Variants in COL10A1 observed in about 807,000 individuals in gnomAD.
COL10A1 encodes the protein collagen alpha-1(X) chain.
Under a neutral mutation model 18.2 loss-of-function variants are expected in COL10A1, and 10 were observed. That is an observed-to-expected ratio of 0.55 (90% confidence interval 0.34 to 0.93). The LOEUF (loss-of-function observed/expected upper bound fraction) is 0.93. Among genes scored for constraint, COL10A1 ranks in the 40% least tolerant of loss-of-function variants. The probability of loss-of-function intolerance (pLI) is 0.02; values close to 1 mark genes in which losing one functional copy is unlikely to be tolerated. For missense variants in COL10A1, 897 were observed against 853.5 expected (o/e 1.05, Z -0.64); for synonymous variants, 330 against 316.6 (o/e 1.04, Z -0.45).
chr6:116,168,837 GC>G, the COL10A1 span, among the ~76,000 whole-genome samples: 1 of 152,106 alleles, frequency 6.6e-6, no homozygotes, highest in East Asian at 1.9e-4. Flanking sequence ...GGCAGCTAGG[GC>G]TCTAGCACTC....
upstream of COL10A1, among the ~76,000 whole-genome samples, chr6:116,128,439 C>T (rs903663253): frequency 6.7e-6 from 1 of 149,308 alleles, no homozygotes; most frequent in African/African-American, 2.4e-5. Flanking sequence ...GAAACCCATT[C>T]CACTCAAAAC....
At chr6:116,129,241 C>T (rs560723773), upstream of COL10A1, among the ~76,000 whole-genome samples, 1 of 152,156 alleles carries the variant, frequency 6.6e-6, no homozygotes, top group Non-Finnish European at 1.5e-5. Context: ...TATGTATACA[C>T]ATGTCTATAT....
chr6:116,157,314 A>G (rs1780220651), intron 1 of COL10A1, among the ~76,000 whole-genome samples: 1 of 152,154 alleles, frequency 6.6e-6, no homozygotes, highest in African/African-American at 2.4e-5. Context: ...TCAGTTGTCA[A>G]CGTAACTTGG....
intron 1 of COL10A1, among the ~76,000 whole-genome samples, chr6:116,139,133 G>A (rs1313630031): frequency 6.6e-6 from 1 of 152,080 alleles, no homozygotes; most frequent in Non-Finnish European, 1.5e-5. Flanking sequence ...AGGATAAAGA[G>A]TTATTTGGCA....
At chr6:116,212,713 CATCCCAGGATATTCATTTTTTACTGCTAT>C in the COL10A1 span, among the ~76,000 whole-genome samples, 1 of 152,196 alleles carries the variant, frequency 6.6e-6, no homozygotes, top group South Asian at 2.1e-4. Context: ...GGGGAACAAA[CATCCCAGGATATTCATTTTTTACTGCTAT>C]AATCACTCTG....
chr6:116,169,965 GA>G, the COL10A1 span, among the ~76,000 whole-genome samples: 1 of 152,242 alleles, frequency 6.6e-6, no homozygotes, highest in Non-Finnish European at 1.5e-5. Flanking sequence ...GGGTTTCCTA[GA>G]ACTAACAAAG....
At chr6:116,191,070 AC>A in the COL10A1 span, among the ~76,000 whole-genome samples, 2 of 152,026 alleles carry the variant, frequency 1.3e-5, no homozygotes, top group East Asian at 3.9e-4. Context: ...ACTACAGCCA[AC>A]ACCCGAGTCT....
upstream of COL10A1, among the ~76,000 whole-genome samples, chr6:116,160,580 G>T (rs1418453259): frequency 6.6e-6 from 1 of 151,852 alleles, no homozygotes; most frequent in Non-Finnish European, 1.5e-5. Context: ...TTGTCTATTT[G>T]CTGTGTTATT....
chr6:116,201,309 A>G, the COL10A1 span, among the ~76,000 whole-genome samples: 5 of 152,034 alleles, frequency 3.3e-5, no homozygotes, highest in Non-Finnish European at 5.9e-5. Flanking sequence ...CATTCCCACC[A>G]CCTTTATTTC....
chr6:116,153,746 CAT>C (rs1780111414), intron 1 of COL10A1, among the ~76,000 whole-genome samples: 1 of 152,010 alleles, frequency 6.6e-6, no homozygotes. Flanking sequence ...CTGGTTTAGT[CAT>C]ATTCATTTTT....
chr6:116,203,934 G>T, the COL10A1 span, among the ~76,000 whole-genome samples: 1 of 151,826 alleles, frequency 6.6e-6, no homozygotes, highest in Admixed American at 6.6e-5. Flanking sequence ...ACCTTTTAGA[G>T]AACACCAGTA....
chr6:116,163,126 C>CAAA (rs71272373), upstream of COL10A1, among the ~76,000 whole-genome samples: 37 of 84,308 alleles, frequency 4.4e-4, no homozygotes, highest in African/African-American at 6.3e-4. Context: ...GACTCCGTCT[C>CAAA]AAAAAAAAAA....
chr6:116,201,263 G>T, the COL10A1 span, among the ~76,000 whole-genome samples: 1 of 152,014 alleles, frequency 6.6e-6, no homozygotes, highest in East Asian at 1.9e-4. Context: ...TGCCTTTTTG[G>T]CTGTAGCCAT....
the COL10A1 span, among the ~76,000 whole-genome samples, chr6:116,186,870 AT>A: frequency 6.6e-6 from 1 of 151,958 alleles, no homozygotes; most frequent in Non-Finnish European, 1.5e-5. Flanking sequence ...TTTTCTGGCA[AT>A]TCAGAGATTT....
the COL10A1 span, among the ~76,000 whole-genome samples, chr6:116,190,580 A>G: frequency 6.6e-6 from 1 of 151,982 alleles, no homozygotes; most frequent in Non-Finnish European, 1.5e-5. Flanking sequence ...GAGAGGGAAA[A>G]GATGACAGTG....
At chr6:116,133,245 G>T (rs1266340922) in intron 1 of COL10A1, among the ~76,000 whole-genome samples, 2 of 152,112 alleles carry the variant, frequency 1.3e-5, no homozygotes, top group Non-Finnish European at 2.9e-5. Context: ...AGGGATCTTG[G>T]CTACCCAATG....
At chr6:116,151,614 A>G (rs1780040801) in intron 1 of COL10A1, among the ~76,000 whole-genome samples, 1 of 152,224 alleles carries the variant, frequency 6.6e-6, no homozygotes, top group South Asian at 2.1e-4. Flanking sequence ...AGAATGCAGT[A>G]CATGCAAATA....
chr6:116,139,793 G>T (rs1779718640), intron 1 of COL10A1, among the ~76,000 whole-genome samples: 1 of 152,140 alleles, frequency 6.6e-6, no homozygotes, highest in Non-Finnish European at 1.5e-5. Flanking sequence ...TTAATATTAA[G>T]ACATCTTCAA....
At chr6:116,177,414 A>G in the COL10A1 span, among the ~76,000 whole-genome samples, 1 of 152,212 alleles carries the variant, frequency 6.6e-6, no homozygotes, top group African/African-American at 2.4e-5. Flanking sequence ...CACTCTAAAT[A>G]TTAGAAATGG....
Sources: allele counts gnomAD v4.1 joint callset (sites outside exome capture counted in the v4.1 genomes callset), GRCh38; gene constraint gnomAD v4.1.1; transcripts MANE v1.5; gene names NCBI Gene and HGNC (gene_info 2026-07-23, HGNC 2026-07-21).